STAT4: variants seen among roughly 807,000 people sequenced by gnomAD.
The protein encoded by STAT4 is signal transducer and activator of transcription 4.
In STAT4, 42 loss-of-function variants were observed where a neutral mutation model predicts 110.5. The ratio of observed to expected loss-of-function variants is 0.38; its 90% CI spans 0.30 to 0.49. The LOEUF (loss-of-function observed/expected upper bound fraction) is 0.49, where lower values mean the gene tolerates loss of function less well. STAT4 is among the 20% of genes least tolerant of loss of function. The probability of loss-of-function intolerance (pLI) is 0.95; values close to 1 mark genes in which losing one functional copy is unlikely to be tolerated. For synonymous variants in STAT4, 284 were observed against 302.2 expected, an observed-to-expected ratio of 0.94 and a Z score of 0.63; for missense variants, 632 against 887.9, an observed-to-expected ratio of 0.71 and a Z score of 3.66.
chr2:191,034,286 G>C (rs1412777394), intron 18 of STAT4, among the ~76,000 whole-genome samples: 2 of 152,004 alleles, frequency 1.3e-5, no homozygotes, highest in Non-Finnish European at 2.9e-5. Flanking sequence ...AGCCGGGCGT[G>C]GTGGTGGGTG....
Position 191,039,120 on chromosome 2 carries a change from T to C in STAT4, c.1434+79A>G. 2 of 1,297,296 alleles carry C rather than the reference T, an allele frequency of 1.5e-6. No individual in the cohort carries two copies. Among genetic ancestry groups the C allele is most frequent in the Non-Finnish European group, 1.1e-6 (1 of 893,070 alleles). 80.4% of individuals were successfully genotyped at this position (1,297,296 alleles called of 1,614,324 possible). ...ACCCCACACCCCACTGGCACACACA[T>C]GTTTTGATGCAGATGTGTTTGTTGG... On this transcript the variant is annotated intron_variant, in intron 16 of 23. Coordinates refer to ENST00000392320, the MANE Select transcript of STAT4 (RefSeq NM_003151.4). This position sits in a 1 kb window ranked among gnomAD's most constrained non-coding sequence, Gnocchi z 4.7.
rs1218302441 is a variant in STAT4 at position 191,060,069 on chromosome 2, G to C, written c.1035-1300C>G. On this transcript the variant is annotated intron_variant, in intron 10 of 23. Coordinates refer to ENST00000392320, the MANE Select transcript of STAT4 (RefSeq NM_003151.4). This position sits in a 1 kb window ranked among gnomAD's most constrained non-coding sequence, Gnocchi z 4.5. ...ACCTATCAAGATGGTGGGGAATAGGGTGCAGAGGAGGAGGATGGGTACCCA... is the reference window on the plus strand; with the variant it reads ...ACCTATCAAGATGGTGGGGAATAGGCTGCAGAGGAGGAGGATGGGTACCCA... Among the ~76,000 whole-genome samples the C allele has an allele frequency of 6.6e-6, 1 of 152,174 alleles. No individual in the cohort carries two copies. Among genetic ancestry groups the C allele is most frequent in the East Asian group, 1.9e-4 (1 of 5,194 alleles).
In STAT4 at chr2:191,112,653, C is replaced by T. The variant is rs143131216; in HGVS notation, c.273+33960G>A. On this transcript the variant is annotated intron_variant, in intron 3 of 23. Transcript: ENST00000392320. The surrounding 1 kb of genome is among the most constrained non-coding windows in gnomAD (Gnocchi z 4.3). The stretch of plus-strand genomic sequence containing the variant: ...ATTACTGTTATTACTTTCCCAAGTA[C>T]GACCTCATTTTTGACAACTTTGTGA... Among the ~76,000 whole-genome samples the T allele has an allele frequency of 9.9e-5, 15 of 152,278 alleles. No homozygotes were observed. The highest frequency in any genetic ancestry group is 6.2e-4 in the South Asian group (3 of 4,830).
At chr2:191,149,577 A>G (rs1699542040) in intron 1 of STAT4, among the ~76,000 whole-genome samples, 1 of 152,204 alleles carries the variant, frequency 6.6e-6, no homozygotes, top group Admixed American at 6.5e-5. Context: ...TTTAAAAAGG[A>G]AAAACTTGAA....
intron 3 of STAT4, among the ~76,000 whole-genome samples, chr2:191,079,200 T>C (rs1183189700): frequency 7.3e-6 from 1 of 136,128 alleles, no homozygotes; most frequent in Non-Finnish European, 1.6e-5. Flanking sequence ...GTCTTCTTTA[T>C]ATTTCTATAT....
chr2:191,114,942 T>G (rs1416331691), intron 3 of STAT4, among the ~76,000 whole-genome samples: 1 of 152,226 alleles, frequency 6.6e-6, no homozygotes, highest in East Asian at 1.9e-4. Context: ...TTGTTATTTT[T>G]TTGTTTCCAG....
rs1484030969 is a variant in STAT4 at position 191,033,335 on chromosome 2, G to C, written c.1852+155C>G. Among the ~76,000 whole-genome samples the C allele has an allele frequency of 5.9e-5, 9 of 152,080 alleles. No homozygotes were observed. The highest frequency in any genetic ancestry group is 1.5e-5 in the Non-Finnish European group (1 of 68,006). ...ACGATAGACTTTTTGGAATTCATAG[G>C]TACCCTGTTCTGAGACAACTGCAAC... On this transcript the variant is annotated intron_variant, in intron 20 of 23. Coordinates refer to ENST00000392320, the MANE Select transcript of STAT4 (RefSeq NM_003151.4). The surrounding 1 kb of genome is among the most constrained non-coding windows in gnomAD (Gnocchi z 6.9).
At chr2:191,141,698 T>G (rs1249050609) in intron 3 of STAT4, among the ~76,000 whole-genome samples, 1 of 151,564 alleles carries the variant, frequency 6.6e-6, no homozygotes, top group Non-Finnish European at 1.5e-5. Context: ...TGGCACTATC[T>G]CGGCTCACTG....
chr2:191,055,962 G>A (rs931581413), intron 13 of STAT4, among the ~76,000 whole-genome samples: 3 of 152,156 alleles, frequency 2.0e-5, no homozygotes, highest in African/African-American at 7.2e-5. Context: ...ACAAAAAAGA[G>A]TGCTAGTTAC....
intron 3 of STAT4, among the ~76,000 whole-genome samples, chr2:191,141,536 A>G (rs1699331916): frequency 6.8e-6 from 1 of 146,578 alleles, no homozygotes; most frequent in Non-Finnish European, 1.5e-5. Flanking sequence ...ACATATACAT[A>G]TATGATATAT....
chr2:191,142,464 T>C lies in STAT4; in HGVS notation c.273+4149A>G, dbSNP rs1408029526. 6.6e-6 allele frequency among the ~76,000 whole-genome samples: 1 copy of C among 151,770 alleles called. No individual in the cohort carries two copies. The highest frequency in any genetic ancestry group is 1.5e-5 in the Non-Finnish European group (1 of 67,924). Reference sequence around the variant, plus strand: ...GATACCAGAGGCTGGGAAGGGTGGGTGGATGGAGGGAAATGAAAAGAGCCT... The same window carrying C: ...GATACCAGAGGCTGGGAAGGGTGGGCGGATGGAGGGAAATGAAAAGAGCCT... On this transcript the variant is annotated intron_variant, in intron 3 of 23. Coordinates refer to ENST00000392320, the MANE Select transcript of STAT4 (RefSeq NM_003151.4). This position sits in a 1 kb window ranked among gnomAD's most constrained non-coding sequence, Gnocchi z 4.1.
intron 14 of STAT4, among the ~76,000 whole-genome samples, chr2:191,049,654 T>A (rs974817623): frequency 6.6e-6 from 1 of 152,158 alleles, no homozygotes; most frequent in Non-Finnish European, 1.5e-5. Context: ...TTTCATTTAG[T>A]GAATATTTAT....
At chr2:191,038,590 C>G (rs1696106484) in intron 16 of STAT4, among the ~76,000 whole-genome samples, 1 of 152,140 alleles carries the variant, frequency 6.6e-6, no homozygotes, top group Non-Finnish European at 1.5e-5. Context: ...GCTGACTCAT[C>G]TTTTTTGCCA....
Position 191,057,954 on chromosome 2 carries a change from G to A in STAT4, c.1206+64C>T, listed in dbSNP as rs914549853. Reference sequence around the variant, plus strand: ...CACAAAACATACTGAATTATAAGGCGTATTAGTAAAGATGTCTGATTTTGG... The same window carrying A: ...CACAAAACATACTGAATTATAAGGCATATTAGTAAAGATGTCTGATTTTGG... On this transcript the variant is annotated intron_variant, in intron 13 of 23. Coordinates refer to ENST00000392320, the MANE Select transcript of STAT4 (RefSeq NM_003151.4). 1.5e-5 allele frequency: 19 copies of A among 1,293,400 alleles called. No individual in the cohort carries two copies. The Admixed American group carries it at 1.7e-4, about 12-fold the overall frequency. 80.1% of individuals were successfully genotyped at this position (1,293,400 alleles called of 1,614,324 possible).
rs1314964076 is a variant in STAT4 at position 191,147,632 on chromosome 2, T to C, written c.128+444A>G. ...GAATATATGTAATGCCACTGAATAG[T>C]ACACCAAAAACAATGGTAAATTTTA... On this transcript the variant is annotated intron_variant, in intron 2 of 23. Transcript: ENST00000392320. This position sits in a 1 kb window ranked among gnomAD's most constrained non-coding sequence, Gnocchi z 4.1. Among the ~76,000 whole-genome samples the C allele has an allele frequency of 6.6e-6, 1 of 152,100 alleles. No homozygotes were observed.
At position 191,150,688 on chromosome 2, in the gene STAT4, C is replaced by T. The variant is rs185804657; in HGVS notation, c.-2+259G>A. ...CGAGGACACACCTCCGCAGCCGCCG[C>T]AGCTCCCCTGGCCCCCGCAGGGAGA... is the stretch of plus-strand genomic sequence containing the variant. On this transcript the variant is annotated intron_variant, in intron 1 of 23. Coordinates refer to ENST00000392320, the MANE Select transcript of STAT4 (RefSeq NM_003151.4). This position sits in a 1 kb window ranked among gnomAD's most constrained non-coding sequence, Gnocchi z 6.4. Among the ~76,000 whole-genome samples, 5 of 152,344 alleles carry T rather than the reference C, an allele frequency of 3.3e-5. 1 individual carries two copies. In the East Asian group the frequency reaches 7.7e-4, roughly 24 times the overall value.
At chr2:191,136,371 A>G (rs1255798817) in intron 3 of STAT4, among the ~76,000 whole-genome samples, 1 of 152,240 alleles carries the variant, frequency 6.6e-6, no homozygotes, top group Non-Finnish European at 1.5e-5. Context: ...AACTACTCCT[A>G]TTCAACATAT....
intron 3 of STAT4, among the ~76,000 whole-genome samples, chr2:191,080,451 C>A (rs780495612): frequency 2.0e-5 from 3 of 152,140 alleles, no homozygotes; most frequent in Non-Finnish European, 4.4e-5. Context: ...TCAAGCATGA[C>A]AGCAATGCAT....
rs1175151654 is a variant in STAT4, at chr2:191,064,956, C to A, written c.633G>T (p.Glu211Asp). 6.3e-7 allele frequency: 1 copy of A among 1,595,156 alleles called. No individual in the cohort carries two copies. Among genetic ancestry groups the A allele is most frequent in the African/African-American group, 1.4e-5 (1 of 73,568 alleles). Residue 211 changes from glutamate to aspartate, a missense_variant and splice_region_variant, in exon 8 of 24, where the codon GAG becomes GAT. Physicochemically the swap from Glu to Asp is conservative, Grantham distance 45. This residue lies in a region of STAT4 where 488 missense variants were observed against 632.8 expected (regional missense o/e 0.77). Transcript: ENST00000392320. ...MLNSLDFKRKEALSKMTQIIH... is the reference protein window; with the variant it reads ...MLNSLDFKRKDALSKMTQIIH... ...TGATTTGGGTCATTTTACTGAGAGC[C>A]TCCTAAAAACAAAGGGGACTACTGA...
Sources: gnomAD v4.1 joint callset for allele counts (sites outside exome capture counted in the v4.1 genomes callset) on GRCh38, gnomAD v4.1.1 for gene constraint, gnomAD v4.1.1 regional missense constraint, Gnocchi (gnomAD v3.1) non-coding constraint, MANE v1.5 for transcripts, NCBI Gene and HGNC (gene_info 2026-07-23, HGNC 2026-07-21) for gene names.